The following ZNF385B variants were observed in gnomAD, a reference collection of about 807,000 sequenced individuals.
The protein encoded by ZNF385B is zinc finger protein 533.
A neutral mutation model predicts 39.2 loss-of-function variants in ZNF385B; 23 were observed. The observed-to-expected ratio is 0.59, with a 90% confidence interval of 0.42 to 0.83. The LOEUF is 0.83. Among genes scored for constraint, ZNF385B ranks in the 40% least tolerant of loss-of-function variants. The pLI, the probability that ZNF385B is intolerant of heterozygous loss-of-function variation, is 0.00. For synonymous variants in ZNF385B, 205 were observed against 222.6 expected, an observed-to-expected ratio of 0.92 and a Z score of 0.70; for missense variants, 552 against 598.9, an observed-to-expected ratio of 0.92 and a Z score of 0.82.
chr2:179,704,365 C>T (rs1699431824), intron 3 of ZNF385B, among the ~76,000 whole-genome samples: 1 of 152,110 alleles, frequency 6.6e-6, no homozygotes, highest in Non-Finnish European at 1.5e-5. Flanking sequence ...ATAGTAGTAA[C>T]TCTAGGATGT....
chr2:179,542,569 G>A (rs1434593000), intron 4 of ZNF385B, among the ~76,000 whole-genome samples: 3 of 152,094 alleles, frequency 2.0e-5, no homozygotes, highest in African/African-American at 4.8e-5. Context: ...ACATGTTAGT[G>A]CATCTGTACC....
chr2:179,641,002 T>C (rs1376372269), intron 3 of ZNF385B, among the ~76,000 whole-genome samples: 2 of 152,206 alleles, frequency 1.3e-5, no homozygotes, highest in African/African-American at 4.8e-5. Flanking sequence ...TATGGATCTA[T>C]TCAGCACAAA....
intron 3 of ZNF385B, among the ~76,000 whole-genome samples, chr2:179,703,184 A>T (rs1412242635): frequency 6.6e-6 from 1 of 152,188 alleles, no homozygotes; most frequent in Non-Finnish European, 1.5e-5. Context: ...CTCGCCCTCT[A>T]GTTCTCTCTG....
intron 1 of ZNF385B, among the ~76,000 whole-genome samples, chr2:179,822,853 T>C (rs898199420): frequency 5.3e-5 from 8 of 152,174 alleles, no homozygotes; most frequent in African/African-American, 1.9e-4. Context: ...ATCCATTACA[T>C]ATAAGGCATA....
intron 1 of ZNF385B, among the ~76,000 whole-genome samples, chr2:179,804,208 C>T (rs1034299763): frequency 3.3e-5 from 5 of 152,192 alleles, no homozygotes; most frequent in African/African-American, 1.2e-4. Context: ...ACAAATACCA[C>T]CTTCAGCATT....
rs35322965 is a variant in ZNF385B, at chr2:179,594,797, C to CTTTT, written c.299-49832_299-49829dup. Among the ~76,000 whole-genome samples the CTTTT allele has an allele frequency of 2.3e-4, 34 of 145,470 alleles. No individual in the cohort carries two copies. In the South Asian group the frequency reaches 3.7e-3, roughly 16 times the overall value. The stretch of plus-strand genomic sequence containing the variant: ...TTGTCTCAGTTGATATAGGTAAACT[C>CTTTT]TTTTTTTTTTTTTCTGTTTTGTTTT... On this transcript the variant is annotated intron_variant, in intron 3 of 9. Transcript: ENST00000410066.
intron 3 of ZNF385B, among the ~76,000 whole-genome samples, chr2:179,761,243 A>G (rs1473349872): frequency 1.3e-5 from 2 of 152,176 alleles, no homozygotes; most frequent in Non-Finnish European, 2.9e-5. Context: ...GCTTTTTCAT[A>G]TAAATGTTAG....
rs1574781754 is a variant in ZNF385B, at chr2:179,556,966, C to T, written c.299-11997G>A. Among the ~76,000 whole-genome samples, 2 of 149,102 alleles carry T rather than the reference C, an allele frequency of 1.3e-5. 1 individual carries two copies. The highest frequency in any genetic ancestry group is 5.1e-5 in the African/African-American group (2 of 39,508). The stretch of plus-strand genomic sequence containing the variant: ...CAGAACTATCATTTATTTTGGAAAC[C>T]TCCCTAAAAAATACAACTTTTCCTA... On this transcript the variant is annotated intron_variant, in intron 3 of 9. Coordinates refer to ENST00000410066, the MANE Select transcript of ZNF385B (RefSeq NM_152520.6).
chr2:179,600,389 T>C (rs556493641), intron 3 of ZNF385B, among the ~76,000 whole-genome samples: 5 of 152,184 alleles, frequency 3.3e-5, no homozygotes, highest in Admixed American at 2.0e-4. Context: ...CTAAAAAAAC[T>C]ACAAATGTAA....
chr2:179,446,864 C>T, intron 6 of ZNF385B, 94 bp from the exon 7 acceptor site: 1 of 1,464,710 alleles, frequency 6.8e-7, no homozygotes, highest in Non-Finnish European at 9.1e-7. Context: ...AAATTTGATT[C>T]TTATGTGAAG....
chr2:179,634,692 C>T (rs1458175782), intron 3 of ZNF385B, among the ~76,000 whole-genome samples: 2 of 152,098 alleles, frequency 1.3e-5, no homozygotes, highest in Non-Finnish European at 2.9e-5. Flanking sequence ...ACCCAGCAAT[C>T]CCATTACTGG....
chr2:179,617,309 T>C (rs550494536), intron 3 of ZNF385B, among the ~76,000 whole-genome samples: 48 of 152,330 alleles, frequency 3.2e-4, no homozygotes, highest in African/African-American at 1.1e-3. Flanking sequence ...CTGGGTGCTC[T>C]TGCAGTTGCT....
intron 1 of ZNF385B, among the ~76,000 whole-genome samples, chr2:179,844,993 G>T (rs1294525318): frequency 1.3e-5 from 2 of 152,002 alleles, no homozygotes; most frequent in Non-Finnish European, 2.9e-5. Flanking sequence ...CCATATACCT[G>T]GGATATTCTT....
chr2:179,766,782 G>T (rs1486240), intron 3 of ZNF385B, among the ~76,000 whole-genome samples: 26,993 of 151,866 alleles, frequency 0.18, 2,746 homozygotes, highest in Middle Eastern at 0.34. Flanking sequence ...ATATTTTTTT[G>T]TGTGTGTGTG....
chr2:179,712,288 G>A (rs558830702), intron 3 of ZNF385B, among the ~76,000 whole-genome samples: 48 of 152,104 alleles, frequency 3.2e-4, no homozygotes, highest in Middle Eastern at 6.8e-3. Context: ...CTTAATCCAT[G>A]TTCTCTTCAA....
intron 5 of ZNF385B, among the ~76,000 whole-genome samples, chr2:179,492,297 G>A (rs901237062): frequency 6.6e-5 from 10 of 152,212 alleles, no homozygotes; most frequent in African/African-American, 2.4e-4. Flanking sequence ...CTTCATAAGA[G>A]CAATTTTTGT....
intron 3 of ZNF385B, among the ~76,000 whole-genome samples, chr2:179,609,245 C>A (rs976038428): frequency 2.6e-5 from 4 of 152,060 alleles, no homozygotes; most frequent in Admixed American, 2.6e-4. Context: ...CCTCTGGTGA[C>A]CACTCATCAT....
chr2:179,852,006 C>G (rs1420622084), intron 1 of ZNF385B, among the ~76,000 whole-genome samples: 2 of 152,136 alleles, frequency 1.3e-5, no homozygotes, highest in Non-Finnish European at 2.9e-5. Flanking sequence ...AAATTCTCGA[C>G]AAATTTAAAC....
chr2:179,453,103 T>C (rs1169059574), intron 6 of ZNF385B, among the ~76,000 whole-genome samples: 2 of 152,182 alleles, frequency 1.3e-5, no homozygotes, highest in Non-Finnish European at 2.9e-5. Flanking sequence ...AAGAACATTT[T>C]CCATGTCAAT....
Sources: allele counts gnomAD v4.1 joint callset (sites outside exome capture counted in the v4.1 genomes callset), GRCh38; gene constraint gnomAD v4.1.1; transcripts MANE v1.5; gene names NCBI Gene and HGNC (gene_info 2026-07-23, HGNC 2026-07-21).